SCAPER: variants seen among roughly 807,000 people sequenced by gnomAD.
SCAPER encodes the protein S-phase cyclin A associated protein in the ER, also known as S phase cyclin A-associated protein in the endoplasmic reticulum.
SCAPER carries 98 observed loss-of-function variants against 182.2 expected under a neutral mutation model. The observed-to-expected ratio is 0.54, with a 90% CI of 0.46 to 0.64. The LOEUF is 0.64. Ranked by LOEUF, SCAPER falls within the 30% of genes least tolerant of loss-of-function variation. The pLI, the probability that SCAPER is intolerant of heterozygous loss-of-function variation, is 0.00. For missense variants in SCAPER, 1,432 were observed against 1,690.0 expected, an observed-to-expected ratio of 0.85 and a Z score of 2.68; for synonymous variants, 605 against 564.6, an observed-to-expected ratio of 1.07 and a Z score of -1.01.
intron 26 of SCAPER, among the ~76,000 whole-genome samples, chr15:76,423,411 G>T (rs140475167): frequency 6.6e-6 from 1 of 152,150 alleles, no homozygotes; most frequent in Non-Finnish European, 1.5e-5. Context: ...TTGCATAGAG[G>T]TGTTTATAGT....
At chr15:76,472,482 C>T in intron 24 of SCAPER, 1 of 404,386 alleles carries the variant, frequency 2.5e-6, no homozygotes, top group South Asian at 2.1e-5. Flanking sequence ...ACTCCTGCCT[C>T]AGCTTCACCA....
At chr15:76,451,704 C>T (rs1023442547) in intron 25 of SCAPER, among the ~76,000 whole-genome samples, 2 of 152,168 alleles carry the variant, frequency 1.3e-5, no homozygotes, top group Non-Finnish European at 2.9e-5. Flanking sequence ...CATAAAACCC[C>T]AAGAGGAGTG....
At chr15:76,790,666 CTTCT>C (rs1471669512) in intron 8 of SCAPER, among the ~76,000 whole-genome samples, 2 of 152,010 alleles carry the variant, frequency 1.3e-5, no homozygotes, top group Non-Finnish European at 2.9e-5. Flanking sequence ...CTCCTTGTGT[CTTCT>C]TTTTCTTGAT....
rs562477748 is a variant in SCAPER at position 76,569,105 on chromosome 15, A to G, written c.2838+5053T>C. Among the ~76,000 whole-genome samples, 5 of 152,194 alleles carry G rather than the reference A, an allele frequency of 3.3e-5. No homozygotes were observed. In the South Asian group the frequency reaches 8.3e-4, roughly 25 times the overall value. ...ACCCCCATTTTAAGCAGACGTCTTG[A>G]CAGTAAATATTTTTGTTGTACACAA... On this transcript the variant is annotated intron_variant, in intron 23 of 31. Transcript: ENST00000563290.
intron 25 of SCAPER, among the ~76,000 whole-genome samples, chr15:76,466,419 C>CTTTTTTTTTTTTTT: frequency 4.0e-4 from 15 of 37,414 alleles, no homozygotes; most frequent in East Asian, 1.2e-3. Flanking sequence ...GTTGGTTCTT[C>CTTTTTTTTTTTTTT]TTTTTTTTTT....
intron 5 of SCAPER, among the ~76,000 whole-genome samples, chr15:76,820,284 G>T (rs1288530818): frequency 2.6e-5 from 4 of 152,028 alleles, no homozygotes; most frequent in Non-Finnish European, 4.4e-5. Context: ...AAAGACACAT[G>T]CACATGTATG....
intron 21 of SCAPER, among the ~76,000 whole-genome samples, chr15:76,627,863 CCA>C (rs903080237): frequency 3.3e-5 from 5 of 152,110 alleles, no homozygotes; most frequent in African/African-American, 1.2e-4. Flanking sequence ...TAAGGAATCA[CCA>C]CAGTCTTTCA....
intron 5 of SCAPER, among the ~76,000 whole-genome samples, chr15:76,837,114 A>G (rs971935984): frequency 3.3e-5 from 5 of 152,222 alleles, no homozygotes; most frequent in African/African-American, 7.2e-5. Flanking sequence ...AACCCACAAG[A>G]TGGGAGAAAA....
chr15:76,747,072 T>A (rs1302159263), intron 15 of SCAPER, among the ~76,000 whole-genome samples: 1 of 152,178 alleles, frequency 6.6e-6, no homozygotes, highest in African/African-American at 2.4e-5. Context: ...GGGACAGGGA[T>A]AACAAAGTTG....
chr15:76,420,376 C>A (rs980633753), intron 26 of SCAPER, among the ~76,000 whole-genome samples: 2 of 151,572 alleles, frequency 1.3e-5, no homozygotes, highest in South Asian at 4.2e-4. Context: ...CTATGCCTGG[C>A]ACATGATCTT....
chr15:76,899,575 G>A (rs1025484964), intron 1 of SCAPER, among the ~76,000 whole-genome samples: 14 of 152,102 alleles, frequency 9.2e-5, no homozygotes, highest in Non-Finnish European at 1.2e-4. Flanking sequence ...GCCTCTGCCC[G>A]CCCGCCACCC....
At chr15:76,698,443 A>C (rs984122139) in intron 20 of SCAPER, among the ~76,000 whole-genome samples, 2 of 152,200 alleles carry the variant, frequency 1.3e-5, no homozygotes, top group Non-Finnish European at 2.9e-5. Context: ...TCTAATGCCA[A>C]AAGTTGTACA....
chr15:76,740,682 T>C (rs902955875), intron 15 of SCAPER, among the ~76,000 whole-genome samples: 2 of 152,166 alleles, frequency 1.3e-5, no homozygotes, highest in African/African-American at 2.4e-5. Flanking sequence ...GGACAGAGCA[T>C]ATATGAGCTT....
intron 17 of SCAPER, among the ~76,000 whole-genome samples, chr15:76,727,974 C>G (rs572260571): frequency 1.3e-5 from 2 of 152,012 alleles, no homozygotes; most frequent in East Asian, 3.9e-4. Flanking sequence ...TAATCAGGGA[C>G]AAGTAGAAAA....
chr15:76,866,291 C>G (rs941136407), intron 2 of SCAPER, among the ~76,000 whole-genome samples: 7 of 151,994 alleles, frequency 4.6e-5, no homozygotes, highest in Non-Finnish European at 7.4e-5. Context: ...TCAGAAAATT[C>G]ACTATGCCAT....
intron 27 of SCAPER, among the ~76,000 whole-genome samples, chr15:76,392,848 G>A (rs1379743130): frequency 6.6e-6 from 1 of 152,164 alleles, no homozygotes; most frequent in East Asian, 1.9e-4. Flanking sequence ...GTCTCCTAGA[G>A]CCAGTGAGAA....
intron 28 of SCAPER, among the ~76,000 whole-genome samples, chr15:76,378,841 A>G (rs1193506389): frequency 6.6e-6 from 1 of 152,186 alleles, no homozygotes; most frequent in Non-Finnish European, 1.5e-5. Flanking sequence ...AGTCACATGG[A>G]GAAGCAGTAG....
chr15:76,388,238 T>C (rs995414152), intron 27 of SCAPER, among the ~76,000 whole-genome samples: 6 of 152,148 alleles, frequency 3.9e-5, no homozygotes, highest in Non-Finnish European at 7.3e-5. Flanking sequence ...GAAGAAGTAT[T>C]TATTTATGAC....
intron 21 of SCAPER, among the ~76,000 whole-genome samples, chr15:76,634,947 G>T (rs1040996355): frequency 4.7e-4 from 71 of 151,942 alleles, no homozygotes; most frequent in Middle Eastern, 3.4e-3. Context: ...TTTTAACAAG[G>T]TATAGCAAAA....
Sources: gnomAD v4.1 joint callset for allele counts (sites outside exome capture counted in the v4.1 genomes callset) on GRCh38, gnomAD v4.1.1 for gene constraint, MANE v1.5 for transcripts, NCBI Gene and HGNC (gene_info 2026-07-23, HGNC 2026-07-21) for gene names.